Variants in PCDH15 observed in about 807,000 individuals in gnomAD.
PCDH15 encodes the protein protocadherin-15.
In PCDH15, 129 loss-of-function variants were observed where a neutral mutation model predicts 178.5. The ratio of observed to expected loss-of-function variants is 0.72; its 90% CI spans 0.63 to 0.84. PCDH15 has a LOEUF of 0.84. PCDH15 is among the 40% of genes least tolerant of loss of function. PCDH15 has a pLI of 0.00. For synonymous variants in PCDH15, 800 were observed against 732.0 expected (o/e 1.09, Z -1.50); for missense variants, 2,230 against 2,099.9 (o/e 1.06, Z -1.21).
At chr10:55,452,205 T>C (rs1589040260) in intron 2 of PCDH15, among the ~76,000 whole-genome samples, 1 of 148,642 alleles carries the variant, frequency 6.7e-6, no homozygotes, top group Non-Finnish European at 1.5e-5. Context: ...TAAGTACCTT[T>C]GAAACTGCAT....
intron 5 of PCDH15, among the ~76,000 whole-genome samples, chr10:54,363,058 T>C (rs893888116): frequency 1.3e-5 from 2 of 152,108 alleles, no homozygotes; most frequent in Non-Finnish European, 2.9e-5. Flanking sequence ...ATATATGTTA[T>C]AGGATATTTT....
At chr10:54,617,348 CCTAA>C (rs1467380742) in intron 2 of PCDH15, among the ~76,000 whole-genome samples, 1 of 152,032 alleles carries the variant, frequency 6.6e-6, no homozygotes, top group Non-Finnish European at 1.5e-5. Context: ...TTCGTAATTA[CCTAA>C]CTTATTTGTG....
At chr10:53,893,496 C>T (rs554598657) in intron 26 of PCDH15, among the ~76,000 whole-genome samples, 13 of 152,158 alleles carry the variant, frequency 8.5e-5, no homozygotes, top group Non-Finnish European at 1.9e-4. Flanking sequence ...TACTTGCACA[C>T]ACGTTTATAG....
intron 3 of PCDH15, among the ~76,000 whole-genome samples, chr10:54,478,689 A>G (rs1293936577): frequency 6.6e-6 from 1 of 152,090 alleles, no homozygotes; most frequent in African/African-American, 2.4e-5. Context: ...TCTGGGAGCA[A>G]ACTTAACAAG....
chr10:54,469,672 T>G (rs2077762415), intron 3 of PCDH15, among the ~76,000 whole-genome samples: 2 of 152,102 alleles, frequency 1.3e-5, no homozygotes, highest in Non-Finnish European at 2.9e-5. Context: ...TGTAAGCAGG[T>G]CTATGCAATT....
At chr10:54,146,114 A>G (rs1163780272) in intron 14 of PCDH15, among the ~76,000 whole-genome samples, 1 of 151,446 alleles carries the variant, frequency 6.6e-6, no homozygotes, top group Non-Finnish European at 1.5e-5. Flanking sequence ...ATTTTTATAA[A>G]AATAAATGAA....
chr10:55,171,582 A>AAT (rs1358682660), intron 1 of PCDH15, among the ~76,000 whole-genome samples: 1 of 152,156 alleles, frequency 6.6e-6, no homozygotes, highest in Non-Finnish European at 1.5e-5. Context: ...AATTTAAGAT[A>AAT]ATAAGGAGGG....
chr10:54,655,270 G>A (rs865823736), intron 2 of PCDH15, among the ~76,000 whole-genome samples: 7 of 111,980 alleles, frequency 6.3e-5, no homozygotes, highest in African/African-American at 2.5e-4. Context: ...GAGAGAGAGA[G>A]AGAGAGAGAG....
At chr10:54,357,062 T>C (rs1945127587) in intron 5 of PCDH15, among the ~76,000 whole-genome samples, 1 of 152,116 alleles carries the variant, frequency 6.6e-6, no homozygotes, top group South Asian at 2.1e-4. Context: ...TCATACTGAA[T>C]GGGCAAAAAC....
At chr10:54,181,921 A>G (rs1484222396) in intron 13 of PCDH15, among the ~76,000 whole-genome samples, 2 of 151,998 alleles carry the variant, frequency 1.3e-5, no homozygotes, top group Non-Finnish European at 2.9e-5. Context: ...GCATTGAATG[A>G]TTTCTTTTTT....
At chr10:54,835,303 A>G (rs142501287) in intron 3 of PCDH15, among the ~76,000 whole-genome samples, 10 of 152,240 alleles carry the variant, frequency 6.6e-5, no homozygotes, top group African/African-American at 2.2e-4. Context: ...ATAAACCCAC[A>G]AATTTGTCAT....
chr10:55,470,631 T>C (rs182675589), intron 2 of PCDH15, among the ~76,000 whole-genome samples: 1 of 152,298 alleles, frequency 6.6e-6, no homozygotes, highest in African/African-American at 2.4e-5. Context: ...GGTGCATTTG[T>C]TATCATTGAT....
At chr10:55,584,961 A>T (rs1189023130) in intron 2 of PCDH15, among the ~76,000 whole-genome samples, 1 of 151,266 alleles carries the variant, frequency 6.6e-6, no homozygotes, top group African/African-American at 2.4e-5. Context: ...AAATTTTGAC[A>T]TCATTAATTT....
chr10:53,822,834 G>T lies in PCDH15; in HGVS notation c.4368-2604C>A, dbSNP rs56332160. On this transcript the variant is annotated intron_variant, in intron 32 of 37. Coordinates refer to ENST00000644397, the MANE Select transcript of PCDH15 (RefSeq NM_001384140.1). ...TATTTCCTCTTTCTCTGTCAAATTT[G>T]CCTCTTCAGTTGTAAGCAATGGATT... 332 of 1,614,004 alleles carry T rather than the reference G, an allele frequency of 2.1e-4. No homozygotes were observed. The highest frequency in any genetic ancestry group is 2.8e-4 in the Non-Finnish European group (326 of 1,179,940).
chr10:54,636,838 T>C (rs2134832344), intron 2 of PCDH15, among the ~76,000 whole-genome samples: 1 of 152,068 alleles, frequency 6.6e-6, no homozygotes, highest in East Asian at 1.9e-4. Flanking sequence ...AATATACCAT[T>C]GCCCTATTAT....
chr10:55,379,570 G>A lies in PCDH15; in HGVS notation c.-155-212919C>T, dbSNP rs114336445. Among the ~76,000 whole-genome samples the A allele has an allele frequency of 4.1e-3, 628 of 151,892 alleles. 9 individuals carry two copies. The highest frequency in any genetic ancestry group is 0.015 in the African/African-American group (601 of 41,436). On this transcript the variant is annotated intron_variant, in intron 2 of 5. Transcript: ENST00000613346. ...ACTACTTTATATATGGGCAAATTAA[G>A]ACAGGGAGAAGTTAAGTAATTCACC... is the stretch of plus-strand genomic sequence containing the variant.
chr10:54,492,442 T>C (rs2079688030), intron 3 of PCDH15, among the ~76,000 whole-genome samples: 1 of 152,198 alleles, frequency 6.6e-6, no homozygotes, highest in African/African-American at 2.4e-5. Context: ...AGTTACTGTC[T>C]TTGGCTGTCC....
chr10:54,196,846 T>C (rs1294386172), intron 10 of PCDH15, among the ~76,000 whole-genome samples: 1 of 152,088 alleles, frequency 6.6e-6, no homozygotes, highest in Non-Finnish European at 1.5e-5. Context: ...AGTAAGAAGG[T>C]GGAACCACCC....
chr10:54,180,652 T>A (rs951788299), intron 13 of PCDH15, among the ~76,000 whole-genome samples: 2 of 152,066 alleles, frequency 1.3e-5, no homozygotes, highest in Non-Finnish European at 2.9e-5. Flanking sequence ...TAGATCAGAG[T>A]TCTGTATCAA....
Sources: allele counts gnomAD v4.1 joint callset (sites outside exome capture counted in the v4.1 genomes callset), GRCh38; gene constraint gnomAD v4.1.1; transcripts MANE v1.5; gene names NCBI Gene and HGNC (gene_info 2026-07-23, HGNC 2026-07-21).